PCSK6: variants seen among roughly 807,000 people sequenced by gnomAD.
PCSK6 encodes the protein proprotein convertase subtilisin/kexin type 6.
PCSK6 carries 85 observed loss-of-function variants against 123.3 expected under a neutral mutation model. The ratio of observed to expected loss-of-function variants is 0.69; its 90% CI spans 0.58 to 0.83. The LOEUF (loss-of-function observed/expected upper bound fraction) is 0.83, where lower values mean the gene tolerates loss of function less well. Among genes scored for constraint, PCSK6 ranks in the 40% least tolerant of loss-of-function variants. The pLI, the probability that PCSK6 is intolerant of heterozygous loss-of-function variation, is 0.00. For synonymous variants in PCSK6, 508 were observed against 516.0 expected (o/e 0.98, Z 0.21); for missense variants, 1,191 against 1,282.3 (o/e 0.93, Z 1.09).
intron 20 of PCSK6, chr15:101,308,644 G>C (rs1289712861): frequency 1.3e-5 from 2 of 151,994 alleles, no homozygotes. Flanking sequence ...TCCCATCCAG[G>C]CCGCCCCAGA....
In PCSK6 at chr15:101,324,892, T is replaced by C. The variant is rs2040212077; in HGVS notation, c.2335A>G (p.Thr779Ala). Residue 779 changes from threonine (T) to alanine (A), a missense_variant, in exon 17 of 22, where the codon ACC (threonine) becomes GCC (alanine). Around this residue, in one of 3 missense-constraint regions of PCSK6, gnomAD observed 630 missense variants for 631.4 expected, o/e 1.00. Transcript: ENST00000611716. Reference protein sequence around the residue: ...RGFYHHQEMNTCVTLCPAGFY... With the variant: ...RGFYHHQEMNACVTLCPAGFY... ...CCTGCAGGACAGAGGGTCACACAGG[T>C]GTTCATCTCCTGGTGGTGATAGAAC... 1 of 1,613,652 alleles carries C rather than the reference T, an allele frequency of 6.2e-7. No individual in the cohort carries two copies. Among genetic ancestry groups the C allele is most frequent in the Non-Finnish European group, 8.5e-7 (1 of 1,179,884 alleles).
chr15:101,486,504 T>C (rs571928805), intron 1 of PCSK6, among the ~76,000 whole-genome samples: 7 of 152,354 alleles, frequency 4.6e-5, no homozygotes, highest in African/African-American at 1.4e-4. Context: ...GATAATGACA[T>C]TGGACACTTC....
At chr15:101,411,578 A>C (rs2055687385) in intron 6 of PCSK6, among the ~76,000 whole-genome samples, 1 of 152,194 alleles carries the variant, frequency 6.6e-6, no homozygotes, top group Admixed American at 6.5e-5. Flanking sequence ...ACCCATCCCA[A>C]GAAAGAGGGG....
chr15:101,372,099 C>A (rs2041603473), intron 11 of PCSK6, among the ~76,000 whole-genome samples: 1 of 152,222 alleles, frequency 6.6e-6, no homozygotes, highest in African/African-American at 2.4e-5. Context: ...GACCATCCTG[C>A]CAATTCCAGG....
At chr15:101,365,107 A>C (rs1384525408) in intron 13 of PCSK6, 2 of 691,268 alleles carry the variant, frequency 2.9e-6, no homozygotes, top group South Asian at 1.6e-5. Flanking sequence ...CAAAAGAATG[A>C]GTTTGGACCC....
intron 6 of PCSK6, among the ~76,000 whole-genome samples, chr15:101,407,873 G>A (rs528342234): frequency 7.2e-5 from 11 of 152,200 alleles, no homozygotes; most frequent in East Asian, 1.9e-4. Flanking sequence ...AAATAATACC[G>A]AAAATGATTG....
chr15:101,412,272 A>T (rs2055714854), intron 6 of PCSK6, among the ~76,000 whole-genome samples: 1 of 152,244 alleles, frequency 6.6e-6, no homozygotes, highest in African/African-American at 2.4e-5. Flanking sequence ...AAGGAATATC[A>T]CATGTCATTC....
At chr15:101,430,587 C>G (rs1313469113) in intron 4 of PCSK6, among the ~76,000 whole-genome samples, 1 of 152,198 alleles carries the variant, frequency 6.6e-6, no homozygotes, top group Non-Finnish European at 1.5e-5. Flanking sequence ...ATGACTGTAA[C>G]AGCAGTATTC....
intron 13 of PCSK6, chr15:101,346,630 C>A: frequency 1.9e-6 from 1 of 532,442 alleles, no homozygotes; most frequent in Non-Finnish European, 2.8e-6. Context: ...CCGAACCATG[C>A]AGGCAACAGG....
At chr15:101,454,070 C>T (rs1002920000) in intron 1 of PCSK6, among the ~76,000 whole-genome samples, 1 of 152,232 alleles carries the variant, frequency 6.6e-6, no homozygotes, top group African/African-American at 2.4e-5. Flanking sequence ...TGGGCTGCAG[C>T]TCATGGCTAC....
intron 2 of PCSK6, among the ~76,000 whole-genome samples, chr15:101,442,213 C>T (rs188264448): frequency 2.5e-4 from 38 of 152,350 alleles, no homozygotes; most frequent in East Asian, 1.4e-3. Flanking sequence ...TGCCCAAGCA[C>T]AGCCATCCCT....
intron 1 of PCSK6, among the ~76,000 whole-genome samples, chr15:101,486,428 CCTT>C (rs1431382062): frequency 1.3e-5 from 2 of 152,176 alleles, no homozygotes; most frequent in African/African-American, 4.8e-5. Flanking sequence ...TGATCAACTC[CCTT>C]ATTAGCTCCA....
chr15:101,434,201 G>A (rs761374148), intron 2 of PCSK6, among the ~76,000 whole-genome samples: 1 of 152,202 alleles, frequency 6.6e-6, no homozygotes, highest in Non-Finnish European at 1.5e-5. Flanking sequence ...TGTTCAGCAC[G>A]CTATTACAAA....
intron 1 of PCSK6, among the ~76,000 whole-genome samples, chr15:101,477,601 G>T (rs1375172303): frequency 6.6e-6 from 1 of 152,110 alleles, no homozygotes; most frequent in Admixed American, 6.5e-5. Flanking sequence ...TGATTTTTAT[G>T]GTTTTCTTGT....
chr15:101,489,613 C>T lies in PCSK6; in HGVS notation c.58G>A (p.Ala20Thr), dbSNP rs888394068. ...GPRPPPRAAAATDTAAGAGGA... is the reference protein window; with the variant it reads ...GPRPPPRAAATTDTAAGAGGA... ...CCCGCGCCCGCGGCGGTGTCGGTGG[C>T]GGCGGCGGCCCGGGGCGGCGGCCGG... The change falls in exon 1 of 22, where the codon GCC becomes ACC. Residue 20 changes from alanine to threonine, a missense_variant. By Grantham distance (58) the Ala-to-Thr change is moderately conservative. This residue lies in a region of PCSK6 where 204 missense variants were observed against 166.4 expected (regional missense o/e 1.23). Transcript: ENST00000611716. The T allele has an allele frequency of 2.0e-3, 1,985 of 973,002 alleles. 2 individuals carry two copies. The highest frequency in any genetic ancestry group is 2.3e-3 in the Non-Finnish European group (1,877 of 823,488). The allele number at this position is 973,002 out of a possible 1,614,324, so 60.3% of individuals were successfully genotyped here. A position where few individuals can be genotyped will look rare whatever the true frequency, so the allele number is the denominator to read the frequency against.
chr15:101,460,746 G>C (rs563954808), intron 1 of PCSK6, among the ~76,000 whole-genome samples: 1 of 152,290 alleles, frequency 6.6e-6, no homozygotes, highest in East Asian at 1.9e-4. Context: ...GGCAAAGAAA[G>C]ACTAAACATG....
chr15:101,309,300 G>A (rs988684681), intron 20 of PCSK6, among the ~76,000 whole-genome samples: 6 of 152,208 alleles, frequency 3.9e-5, no homozygotes, highest in Admixed American at 6.5e-5. Context: ...TCCCGTCCCC[G>A]TTAGGCCAGT....
Position 101,366,233 on chromosome 15 carries a change from T to A in PCSK6, c.1821A>T (p.Gln607His). 6.2e-7 allele frequency: 1 copy of A among 1,613,678 alleles called. No homozygotes were observed. ...KAEGQWTLEI[Q>H]DLPSQVRNPE... ...GGTTGCGGACCTGGGATGGCAGATC[T>A]TGGATTTCCAAGGTCCACTGCCCTT... Residue 607 changes from glutamine to histidine, a missense_variant, in exon 13 of 22, where the codon CAA (glutamine) becomes CAT (histidine). By Grantham distance (24) the Gln-to-His change is conservative. Coordinates refer to ENST00000611716, the MANE Select transcript of PCSK6 (RefSeq NM_002570.5).
intron 13 of PCSK6, among the ~76,000 whole-genome samples, chr15:101,351,477 C>G (rs1294456108): frequency 6.6e-6 from 1 of 152,160 alleles, no homozygotes; most frequent in Non-Finnish European, 1.5e-5. Context: ...AATATTTACG[C>G]TGGAAAGACA....
Sources: allele counts gnomAD v4.1 joint callset (sites outside exome capture counted in the v4.1 genomes callset), GRCh38; gene constraint gnomAD v4.1.1; regional missense constraint gnomAD v4.1.1; transcripts MANE v1.5; gene names NCBI Gene and HGNC (gene_info 2026-07-23, HGNC 2026-07-21).